Variants in IFT140 observed in about 807,000 individuals in gnomAD.
IFT140 encodes intraflagellar transport 140.
A neutral mutation model predicts 164.6 loss-of-function variants in IFT140; 133 were observed. The ratio of observed to expected loss-of-function variants is 0.81; its 90% CI spans 0.70 to 0.93. The LOEUF (loss-of-function observed/expected upper bound fraction) is 0.93. Among genes scored for constraint, IFT140 ranks in the 40% least tolerant of loss-of-function variants. The probability of loss-of-function intolerance (pLI) is 0.00; values close to 1 mark genes in which losing one functional copy is unlikely to be tolerated. For synonymous variants in IFT140, 860 were observed against 817.3 expected (o/e 1.05, Z -0.89); for missense variants, 2,045 against 1,972.3 (o/e 1.04, Z -0.70).
Position 1,520,255 on chromosome 16 carries a change from G to A in IFT140, c.3749C>T (p.Ala1250Val), listed in dbSNP as rs2040479635. ...VSRQKEIYIMAANYLQSLDWR... is the reference protein window; with the variant it reads ...VSRQKEIYIMVANYLQSLDWR... ...GTCCAGGGACTGCAGGTAGTTAGCAGCCATGATGTAGATTTCCTTCTGCCT... is the reference window on the plus strand; with the variant it reads ...GTCCAGGGACTGCAGGTAGTTAGCAACCATGATGTAGATTTCCTTCTGCCT... Residue 1250 changes from alanine (A) to valine (V), a missense_variant, in exon 28 of 31, where the codon GCT (alanine) becomes GTT (valine). Transcript: ENST00000426508. 2 of 1,614,234 alleles carry A rather than the reference G, an allele frequency of 1.2e-6. No individual in the cohort carries two copies. Among genetic ancestry groups the A allele is most frequent in the Non-Finnish European group, 1.7e-6 (2 of 1,180,040 alleles).
chr16:1,566,978 C>T (rs2033753558), intron 15 of IFT140, among the ~76,000 whole-genome samples: 1 of 152,172 alleles, frequency 6.6e-6, no homozygotes, highest in African/African-American at 2.4e-5. Flanking sequence ...CCGCCTGCAG[C>T]CCTGGCCCTC....
intron 4 of IFT140, among the ~76,000 whole-genome samples, chr16:1,595,750 C>A (rs573989043): frequency 8.5e-5 from 13 of 152,108 alleles, no homozygotes; most frequent in Non-Finnish European, 1.5e-4. Flanking sequence ...TTGATGAAGA[C>A]AAAAATAAAA....
At position 1,523,674 on chromosome 16, in the gene IFT140, C is replaced by A; in HGVS notation, c.3297G>T (p.Glu1099Asp). The A allele has an allele frequency of 1.9e-6, 3 of 1,613,830 alleles. No individual in the cohort carries two copies. Among genetic ancestry groups the A allele is most frequent in the Non-Finnish European group, 2.5e-6 (3 of 1,179,986 alleles). The change falls in exon 26 of 31, where the codon GAG becomes GAT. Residue 1099 changes from glutamate (E) to aspartate (D), a missense_variant. Physicochemically the swap from Glu to Asp is conservative, Grantham distance 45. Transcript: ENST00000426508. Reference sequence around the variant, plus strand: ...CAAACTGCTGGGTGGCAAAGGCCAGCTCCAGGGCCTTGGAGAAGTGGCCAG... The same window carrying A: ...CAAACTGCTGGGTGGCAAAGGCCAGATCCAGGGCCTTGGAGAAGTGGCCAG... ...HKAGHFSKAL[E>D]LAFATQQFVA...
intron 19 of IFT140, among the ~76,000 whole-genome samples, chr16:1,536,472 G>T (rs1291495015): frequency 6.6e-6 from 1 of 152,216 alleles, no homozygotes; most frequent in Non-Finnish European, 1.5e-5. Context: ...CCTGCAACTT[G>T]TATGGCATCT....
chr16:1,607,084 C>T, intron 3 of IFT140, 36 bp downstream of exon 3: 2 of 1,605,766 alleles, frequency 1.2e-6, no homozygotes, highest in Non-Finnish European at 8.5e-7. Context: ...GAGCCAGAAG[C>T]TACCACAGTC....
At chr16:1,536,765 C>T (rs746921091) in intron 19 of IFT140, among the ~76,000 whole-genome samples, 3 of 152,198 alleles carry the variant, frequency 2.0e-5, no homozygotes, top group East Asian at 1.9e-4. Flanking sequence ...TCTCCTTCAC[C>T]GACGTCCATC....
Position 1,524,704 on chromosome 16 carries a change from ACAAAGAACC to A in IFT140, c.2998-18_2998-10del. On this transcript the variant is annotated splice_polypyrimidine_tract_variant and intron_variant, in intron 23 of 30. Coordinates refer to ENST00000426508, the MANE Select transcript of IFT140 (RefSeq NM_014714.4). ...TTGGCTATTTGCGCAGCCTAGAAAG[ACAAAGAACC>A]CAAAGACGAGACACGGTGGCCTTGT... The A allele has an allele frequency of 1.3e-6, 2 of 1,575,528 alleles. No individual in the cohort carries two copies. Among genetic ancestry groups the A allele is most frequent in the Non-Finnish European group, 1.7e-6 (2 of 1,154,184 alleles).
chr16:1,569,076 C>T (rs935716623), intron 14 of IFT140, among the ~76,000 whole-genome samples: 2 of 149,992 alleles, frequency 1.3e-5, no homozygotes, highest in African/African-American at 2.5e-5. Context: ...GCCATCTCGG[C>T]TCACTGCAAG....
At chr16:1,534,976 G>A (rs553907780) in intron 19 of IFT140, among the ~76,000 whole-genome samples, 2 of 152,226 alleles carry the variant, frequency 1.3e-5, no homozygotes, top group East Asian at 3.9e-4. Flanking sequence ...AGGCTGAGGC[G>A]GGAGGACTGC....
At chr16:1,571,926 TG>T (rs1191089833) in intron 13 of IFT140, among the ~76,000 whole-genome samples, 1 of 152,074 alleles carries the variant, frequency 6.6e-6, no homozygotes, top group Admixed American at 6.5e-5. Flanking sequence ...TTCCATCCAC[TG>T]GGGAGCTCTG....
intron 29 of IFT140, 50 bp downstream of exon 29, chr16:1,519,831 C>T: frequency 6.7e-7 from 1 of 1,493,162 alleles, no homozygotes. Flanking sequence ...CAGCCCCGGC[C>T]CTGTAGTCAC....
At chr16:1,537,777 T>C (rs956127812) in intron 19 of IFT140, among the ~76,000 whole-genome samples, 2 of 152,170 alleles carry the variant, frequency 1.3e-5, no homozygotes, top group African/African-American at 4.8e-5. Context: ...GACCGTGTGA[T>C]TGAATCTCGA....
intron 19 of IFT140, among the ~76,000 whole-genome samples, chr16:1,529,696 G>T (rs955771120): frequency 6.6e-6 from 1 of 152,192 alleles, no homozygotes; most frequent in Non-Finnish European, 1.5e-5. Flanking sequence ...GAAAACCAAG[G>T]CTTGTCTTTC....
chr16:1,528,358 T>C lies in IFT140; in HGVS notation c.2400-1562A>G, dbSNP rs3859132. On this transcript the variant is annotated intron_variant, in intron 19 of 30. Coordinates refer to ENST00000426508, the MANE Select transcript of IFT140 (RefSeq NM_014714.4). Reference sequence around the variant, plus strand: ...GTGCACACACACGCATGCACGCACGTGTGCACACACACGCATGCACGCACG... The same window carrying C: ...GTGCACACACACGCATGCACGCACGCGTGCACACACACGCATGCACGCACG... Among the ~76,000 whole-genome samples the C allele has an allele frequency of 7.0e-5, 9 of 129,432 alleles. No homozygotes were observed. In the South Asian group the frequency reaches 7.0e-4, roughly 10 times the overall value. 84.9% of individuals were successfully genotyped at this position (129,432 alleles called of 152,430 possible). A position where few individuals can be genotyped will look rare whatever the true frequency, so the allele number is the denominator to read the frequency against.
rs2033194698 is a variant in IFT140 at position 1,557,959 on chromosome 16, A to G, written c.2375T>C (p.Phe792Ser). The change falls in exon 19 of 31, where the codon TTC (phenylalanine) becomes TCC (serine). Residue 792 changes from phenylalanine to serine, a missense_variant. Phe to Ser is a radical substitution (Grantham distance 155). Transcript: ENST00000426508. ...CCTTTTGATGAGCTTGATGGATTTG[A>G]AGGCTTCGTCCATGTCTCCTATGGT... is the stretch of plus-strand genomic sequence containing the variant. ...FVTIGDMDEA[F>S]KSIKLIKSEA... 2 of 1,613,762 alleles carry G rather than the reference A, an allele frequency of 1.2e-6. No homozygotes were observed. Among genetic ancestry groups the G allele is most frequent in the Non-Finnish European group, 1.7e-6 (2 of 1,180,026 alleles).
intron 19 of IFT140, chr16:1,528,647 C>A (rs960008020): frequency 3.9e-5 from 6 of 154,524 alleles, no homozygotes; most frequent in African/African-American, 1.4e-4. Flanking sequence ...GCCACCCTCG[C>A]ATTCCAGGCT....
At chr16:1,512,785 G>A (rs1275460042) in intron 30 of IFT140, among the ~76,000 whole-genome samples, 1 of 152,060 alleles carries the variant, frequency 6.6e-6, no homozygotes, top group Admixed American at 6.6e-5. Context: ...GCAAGACCTC[G>A]TCTCAAAACC....
At chr16:1,545,534 G>C (rs974547463) in intron 19 of IFT140, among the ~76,000 whole-genome samples, 1 of 152,050 alleles carries the variant, frequency 6.6e-6, no homozygotes, top group East Asian at 1.9e-4. Flanking sequence ...CTGTACTCGC[G>C]TCTGTTTTAA....
chr16:1,572,881 G>A (rs373634690), intron 13 of IFT140, among the ~76,000 whole-genome samples: 26 of 152,316 alleles, frequency 1.7e-4, no homozygotes, highest in African/African-American at 5.5e-4. Flanking sequence ...CACTCCACGT[G>A]GGGGCAGCGA....
Sources: allele counts gnomAD v4.1 joint callset (sites outside exome capture counted in the v4.1 genomes callset), GRCh38; gene constraint gnomAD v4.1.1; transcripts MANE v1.5; gene names NCBI Gene and HGNC (gene_info 2026-07-23, HGNC 2026-07-21).